Variants in ATAD3B observed in about 807,000 individuals in gnomAD.
The protein encoded by ATAD3B is ATPase family AAA domain containing 3B.
A neutral mutation model predicts 70.2 loss-of-function variants in ATAD3B; 59 were observed. The ratio of observed to expected loss-of-function variants is 0.84; its 90% CI spans 0.68 to 1.04. The LOEUF (loss-of-function observed/expected upper bound fraction) is 1.04. Among genes scored for constraint, ATAD3B ranks in the 50% least tolerant of loss-of-function variants. The pLI is 0.00. For synonymous variants in ATAD3B, 423 were observed against 388.6 expected, an observed-to-expected ratio of 1.09 and a Z score of -1.04; for missense variants, 961 against 913.4, an observed-to-expected ratio of 1.05 and a Z score of -0.67.
intron 12 of ATAD3B, among the ~76,000 whole-genome samples, chr1:1,488,758 C>CA (rs367936786): frequency 0.018 from 2,549 of 145,160 alleles, 50 homozygotes; most frequent in South Asian, 0.029. Context: ...GACTTCGTCT[C>CA]AAAAAAAAAA....
chr1:1,477,463 TG>T, intron 2 of ATAD3B, 113 bp downstream of exon 2: 1 of 1,539,514 alleles, frequency 6.5e-7, no homozygotes, highest in Non-Finnish European at 8.9e-7. Context: ...TGGGCAGCAG[TG>T]GGGCCAGGGC....
chr1:1,504,902 C>T, the ATAD3B span, among the ~76,000 whole-genome samples: 7 of 152,066 alleles, frequency 4.6e-5, no homozygotes, highest in Non-Finnish European at 8.8e-5. Flanking sequence ...CCACCGCGCC[C>T]AGTGCCAACT....
At chr1:1,505,101 G>A in the ATAD3B span, among the ~76,000 whole-genome samples, 1 of 152,136 alleles carries the variant, frequency 6.6e-6, no homozygotes, top group Non-Finnish European at 1.5e-5. Context: ...CGTGGAGACC[G>A]GTAGTGGCCC....
At chr1:1,493,425 A>G (rs1363815424) in intron 15 of ATAD3B, among the ~76,000 whole-genome samples, 2 of 151,326 alleles carry the variant, frequency 1.3e-5, no homozygotes, top group Admixed American at 1.3e-4. Flanking sequence ...CTGGTTTGTT[A>G]ATTTTTTTTG....
At chr1:1,509,234 C>T in the ATAD3B span, 1 of 1,612,906 alleles carries the variant, frequency 6.2e-7, no homozygotes. Context: ...AGGACGGGGT[C>T]CTGACCGAGG....
chr1:1,484,032 G>C (rs752144497), intron 7 of ATAD3B: 1 of 152,150 alleles, frequency 6.6e-6, no homozygotes, highest in Non-Finnish European at 1.5e-5. Context: ...AGCCATGTGC[G>C]ACCTGGGGCG....
the ATAD3B span, chr1:1,509,437 T>A: frequency 1.9e-6 from 3 of 1,597,436 alleles, no homozygotes; most frequent in South Asian, 3.3e-5. Flanking sequence ...TAGGAAATAC[T>A]CCCCGTAATA....
chr1:1,475,410 C>T (rs1639539257), intron 1 of ATAD3B, among the ~76,000 whole-genome samples: 1 of 151,736 alleles, frequency 6.6e-6, no homozygotes. Context: ...AAGCCCGGCC[C>T]CTCCCGACGC....
In ATAD3B at chr1:1,497,593, T is replaced by C. The variant is rs557147723; in HGVS notation, c.*1776T>C. ...AAAATTAAGCCAGGTTAGACTGGGC[T>C]AGGTGGCTCACGCCTGTAATCCCAG... is the stretch of plus-strand genomic sequence containing the variant. On this transcript the variant is annotated 3_prime_UTR_variant, in exon 16 of 16. Transcript: ENST00000673477. 1.3e-5 allele frequency: 2 copies of C among 151,654 alleles called. No homozygotes were observed. The highest frequency in any genetic ancestry group is 2.9e-5 in the Non-Finnish European group (2 of 67,992). 9.4% of individuals were successfully genotyped at this position (151,654 alleles called of 1,614,324 possible). A position where few individuals can be genotyped will look rare whatever the true frequency, so the allele number is the denominator to read the frequency against.
In ATAD3B at chr1:1,478,494, G is replaced by A. The variant is rs1377662105; in HGVS notation, c.283-150G>A. 4 of 1,549,402 alleles carry A rather than the reference G, an allele frequency of 2.6e-6. No homozygotes were observed. The East Asian group carries it at 9.8e-5, about 38-fold the overall frequency. On this transcript the variant is annotated intron_variant, in intron 2 of 15. Transcript: ENST00000673477. ...GGATTCCTCCAGGGCCTGATCCTGG[G>A]TGCAGATGCAGCTGGAAGCCCTGAA...
rs759688021 is a variant in ATAD3B, at chr1:1,490,300, T to C, written c.1381T>C (p.Cys461Arg). 1.2e-6 allele frequency: 2 copies of C among 1,613,184 alleles called. No individual in the cohort carries two copies. Among genetic ancestry groups the C allele is most frequent in the South Asian group, 2.2e-5 (2 of 91,038 alleles). The part of the protein sequence containing the change: ...LASNLPEQFD[C>R]AINSRIDVMV... Reference sequence around the variant, plus strand: ...CAGCAATCTGCCTGAGCAGTTCGACTGTGCCATCAACAGCCGCATTGACGT... The same window carrying C: ...CAGCAATCTGCCTGAGCAGTTCGACCGTGCCATCAACAGCCGCATTGACGT... Residue 461 changes from cysteine to arginine, a missense_variant, in exon 14 of 16, where the codon TGT (cysteine) becomes CGT (arginine). By Grantham distance (180) the Cys-to-Arg change is radical (BLOSUM62 -3). Coordinates refer to ENST00000673477, the MANE Select transcript of ATAD3B (RefSeq NM_031921.6).
In ATAD3B at chr1:1,486,320, G is replaced by A. The variant is rs1263750311; in HGVS notation, c.1089+85G>A. 188 of 1,605,836 alleles carry A rather than the reference G, an allele frequency of 1.2e-4. 1 individual carries two copies. The East Asian group carries it at 4.2e-3, about 36-fold the overall frequency. On this transcript the variant is annotated intron_variant, in intron 10 of 15. Coordinates refer to ENST00000673477, the MANE Select transcript of ATAD3B (RefSeq NM_031921.6). ...GTGTCTGGGGGCCTCAGCCGCCTGGGGAATGGACCCCCCTTAGGCCTTTGC... is the reference window on the plus strand; with the variant it reads ...GTGTCTGGGGGCCTCAGCCGCCTGGAGAATGGACCCCCCTTAGGCCTTTGC...
chr1:1,487,833 C>T (rs763044901), intron 11 of ATAD3B, 30 bp from the exon 12 acceptor site: 9 of 1,611,394 alleles, frequency 5.6e-6, no homozygotes, highest in African/African-American at 2.7e-5. Context: ...GCGTCACTCT[C>T]GCCTTGCTTG....
At chr1:1,500,679 C>T (rs28755011), downstream of ATAD3B, among the ~76,000 whole-genome samples, 4,389 of 150,696 alleles carry the variant, frequency 0.029, 110 homozygotes, top group Middle Eastern at 0.042. Context: ...TCAGGCAGGG[C>T]GCAGTGGCTC....
rs860213 is a variant in ATAD3B at position 1,486,611 on chromosome 1, G to T, written c.1157G>T (p.Arg386Leu). The T allele has an allele frequency of 1.9e-6, 3 of 1,603,344 alleles. No individual in the cohort carries two copies. The highest frequency in any genetic ancestry group is 1.5e-5 in the African/African-American group (1 of 68,786). The change falls in exon 11 of 16, where the codon CGG becomes CTG. Residue 386 changes from arginine to leucine, a missense_variant. Around this residue, in one of 4 missense-constraint regions of ATAD3B, gnomAD observed 349 missense variants for 307.5 expected, o/e 1.14. Coordinates refer to ENST00000673477, the MANE Select transcript of ATAD3B (RefSeq NM_031921.6). ...MTGGDVAPMG[R>L]EGVTAMHKLF... ...GGCGGGGACGTGGCCCCCATGGGGCGGGAAGGCGTGACCGCCATGCACAAG... is the reference window on the plus strand; with the variant it reads ...GGCGGGGACGTGGCCCCCATGGGGCTGGAAGGCGTGACCGCCATGCACAAG...
the ATAD3B span, among the ~76,000 whole-genome samples, chr1:1,504,835 C>T: frequency 9.9e-5 from 15 of 152,274 alleles, no homozygotes; most frequent in African/African-American, 2.9e-4. Context: ...TGAGCTCTCA[C>T]TCTGGTGTCC....
At position 1,492,118 on chromosome 1, in the gene ATAD3B, G is replaced by A. The variant is rs1027118822; in HGVS notation, c.1614+1447G>A. On this transcript the variant is annotated intron_variant, in intron 15 of 15. Coordinates refer to ENST00000673477, the MANE Select transcript of ATAD3B (RefSeq NM_031921.6). Reference sequence around the variant, plus strand: ...GGAGGGTCACTTGAGTCCAGGAGGCGGAGGCTGCAGTGAGCTGTGATTGTG... The same window carrying A: ...GGAGGGTCACTTGAGTCCAGGAGGCAGAGGCTGCAGTGAGCTGTGATTGTG... Among the ~76,000 whole-genome samples the A allele has an allele frequency of 5.3e-5, 8 of 151,736 alleles. No individual in the cohort carries two copies. In the South Asian group the frequency reaches 6.3e-4, roughly 12 times the overall value.
the ATAD3B span, among the ~76,000 whole-genome samples, chr1:1,507,014 CCT>C: frequency 6.6e-6 from 1 of 151,884 alleles, no homozygotes; most frequent in South Asian, 2.1e-4. Context: ...GTCTCGATCC[CCT>C]GACTTCGTGA....
At chr1:1,476,101 C>T (rs1390178298) in intron 1 of ATAD3B, among the ~76,000 whole-genome samples, 1 of 141,592 alleles carries the variant, frequency 7.1e-6, no homozygotes, top group Non-Finnish European at 1.5e-5. Context: ...ACCCGTTGAC[C>T]TGGCACTGTC....
Sources: gnomAD v4.1 joint callset for allele counts (sites outside exome capture counted in the v4.1 genomes callset) on GRCh38, gnomAD v4.1.1 for gene constraint, gnomAD v4.1.1 regional missense constraint, MANE v1.5 for transcripts, NCBI Gene and HGNC (gene_info 2026-07-23, HGNC 2026-07-21) for gene names.